The following MECOM variants were observed in gnomAD, a reference collection of about 807,000 sequenced individuals.
MECOM encodes histone-lysine N-methyltransferase MECOM.
MECOM carries 13 observed loss-of-function variants against 116.3 expected under a neutral mutation model. The ratio of observed to expected loss-of-function variants is 0.11; its 90% CI spans 0.07 to 0.18. MECOM has a LOEUF of 0.18. MECOM is among the 10% of genes least tolerant of loss of function. The pLI is 1.00. For synonymous variants in MECOM, 528 were observed against 535.2 expected, an observed-to-expected ratio of 0.99 and a Z score of 0.19; for missense variants, 1,299 against 1,509.0, an observed-to-expected ratio of 0.86 and a Z score of 2.31.
chr3:169,438,161 C>G (rs1010101098), intron 1 of MECOM, among the ~76,000 whole-genome samples: 2 of 152,330 alleles, frequency 1.3e-5, no homozygotes, highest in Admixed American at 1.3e-4. Flanking sequence ...CTAGAGCCCA[C>G]GCGCTTTATC....
intron 1 of MECOM, among the ~76,000 whole-genome samples, chr3:169,647,948 T>C (rs1290370296): frequency 6.6e-6 from 1 of 152,032 alleles, no homozygotes; most frequent in Non-Finnish European, 1.5e-5. Flanking sequence ...CCAGAAAACA[T>C]GTTTACGGTA....
intron 7 of MECOM, among the ~76,000 whole-genome samples, chr3:169,118,744 C>T (rs1023663654): frequency 2.6e-5 from 4 of 151,368 alleles, no homozygotes; most frequent in Non-Finnish European, 4.4e-5. Flanking sequence ...AAATCAAGAG[C>T]TTCTCTCTAT....
intron 2 of MECOM, among the ~76,000 whole-genome samples, chr3:169,223,750 CT>C (rs1752400999): frequency 6.6e-6 from 1 of 152,134 alleles, no homozygotes; most frequent in African/African-American, 2.4e-5. Context: ...TATCCAACCA[CT>C]TGATTTAACA....
chr3:169,618,839 C>T (rs1770337314), intron 1 of MECOM, among the ~76,000 whole-genome samples: 1 of 152,032 alleles, frequency 6.6e-6, no homozygotes, highest in African/African-American at 2.4e-5. Flanking sequence ...TAAATATTTG[C>T]TCAGTATTAG....
chr3:169,402,171 A>T (rs544010756), intron 1 of MECOM, among the ~76,000 whole-genome samples: 2 of 152,192 alleles, frequency 1.3e-5, no homozygotes, highest in Non-Finnish European at 1.5e-5. Flanking sequence ...ATAAACTTCA[A>T]TGAGCTCATA....
At chr3:169,549,423 T>A (rs181133705) in intron 1 of MECOM, among the ~76,000 whole-genome samples, 3 of 152,010 alleles carry the variant, frequency 2.0e-5, no homozygotes, top group Non-Finnish European at 2.9e-5. Flanking sequence ...AAAAAAGCTT[T>A]CTGGACTTAA....
chr3:169,405,239 C>A (rs1736510299), intron 1 of MECOM, among the ~76,000 whole-genome samples: 1 of 152,050 alleles, frequency 6.6e-6, no homozygotes, highest in Non-Finnish European at 1.5e-5. Context: ...CTCTCTTTCC[C>A]TCCCTCCTTC....
intron 1 of MECOM, among the ~76,000 whole-genome samples, chr3:169,416,315 C>T (rs578206595): frequency 2.0e-5 from 3 of 152,064 alleles, no homozygotes; most frequent in Admixed American, 6.6e-5. Context: ...TAAATAAGTT[C>T]TCTGAAACCA....
intron 1 of MECOM, among the ~76,000 whole-genome samples, chr3:169,384,311 T>C (rs553212223): frequency 6.6e-6 from 1 of 152,280 alleles, no homozygotes; most frequent in South Asian, 2.1e-4. Flanking sequence ...AAATAGAACA[T>C]GATGAATTGT....
At chr3:169,523,889 A>G (rs13095661) in intron 1 of MECOM, among the ~76,000 whole-genome samples, 26 of 109,846 alleles carry the variant, frequency 2.4e-4, no homozygotes, top group South Asian at 1.7e-3. Flanking sequence ...ACATATATAC[A>G]CATATACATA....
rs146538891 is a variant in MECOM at position 169,252,780 on chromosome 3, C to A, written c.376-108948G>T. On this transcript the variant is annotated intron_variant, in intron 2 of 16. Coordinates refer to ENST00000651503, the MANE Select transcript of MECOM (RefSeq NM_004991.4). ...CATCAGTGGTTTTAGAAAGGCAAAG[C>A]CCCATCAAAAGGCTTTTGTAGACAA... is the stretch of plus-strand genomic sequence containing the variant. Among the ~76,000 whole-genome samples, 94 of 152,250 alleles carry A rather than the reference C, an allele frequency of 6.2e-4. 2 individuals carry two copies. Among genetic ancestry groups the A allele is most frequent in the East Asian group, 2.9e-3 (15 of 5,190 alleles).
intron 2 of MECOM, among the ~76,000 whole-genome samples, chr3:169,210,206 G>A (rs1328390169): frequency 6.6e-6 from 1 of 152,062 alleles, no homozygotes; most frequent in African/African-American, 2.4e-5. Flanking sequence ...GGGAGGGAGA[G>A]CATTAGGACA....
chr3:169,365,679 T>C (rs1042304713), intron 2 of MECOM, among the ~76,000 whole-genome samples: 2 of 151,986 alleles, frequency 1.3e-5, no homozygotes, highest in Non-Finnish European at 1.5e-5. Context: ...TCTGGGGCAA[T>C]ATTCCTGACT....
chr3:169,346,731 A>C (rs780744119), intron 2 of MECOM, among the ~76,000 whole-genome samples: 3 of 152,028 alleles, frequency 2.0e-5, no homozygotes, highest in African/African-American at 7.2e-5. Context: ...ACTCCAAGAC[A>C]CTACTTAGTT....
intron 12 of MECOM, among the ~76,000 whole-genome samples, chr3:169,098,807 C>A (rs903444863): frequency 1.3e-5 from 2 of 152,162 alleles, no homozygotes; most frequent in African/African-American, 4.8e-5. Flanking sequence ...GGATTGTAGG[C>A]ATGAGCCACC....
chr3:169,584,486 A>G (rs1765537621), intron 1 of MECOM, among the ~76,000 whole-genome samples: 2 of 151,448 alleles, frequency 1.3e-5, no homozygotes, highest in Admixed American at 1.3e-4. Flanking sequence ...AATGGCGTGA[A>G]CCCAAGAGGT....
intron 1 of MECOM, among the ~76,000 whole-genome samples, chr3:169,537,648 A>G (rs547076973): frequency 1.3e-5 from 2 of 152,192 alleles, no homozygotes; most frequent in African/African-American, 4.8e-5. Flanking sequence ...GGTTTAATAT[A>G]CAGTGCTGGA....
chr3:169,642,015 A>G (rs897920279), intron 1 of MECOM, among the ~76,000 whole-genome samples: 1 of 152,252 alleles, frequency 6.6e-6, no homozygotes, highest in Non-Finnish European at 1.5e-5. Flanking sequence ...GAACTAATAC[A>G]TAGAGTATCA....
chr3:169,315,900 TA>T (rs971640889), intron 2 of MECOM, among the ~76,000 whole-genome samples: 3 of 151,914 alleles, frequency 2.0e-5, no homozygotes, highest in African/African-American at 7.3e-5. Context: ...CCCCATAACA[TA>T]AAAAAAATTG....
Sources: gnomAD v4.1 joint callset for allele counts (sites outside exome capture counted in the v4.1 genomes callset) on GRCh38, gnomAD v4.1.1 for gene constraint, MANE v1.5 for transcripts, NCBI Gene and HGNC (gene_info 2026-07-23, HGNC 2026-07-21) for gene names.